The following NCBP1 variants were observed in gnomAD, a reference collection of about 807,000 sequenced individuals.
NCBP1 encodes nuclear cap-binding protein subunit 1.
NCBP1 carries 16 observed loss-of-function variants against 111.7 expected under a neutral mutation model. The observed-to-expected ratio is 0.14, with a 90% CI of 0.10 to 0.22. The LOEUF (loss-of-function observed/expected upper bound fraction) is 0.22, where lower values mean the gene tolerates loss of function less well. Among genes scored for constraint, NCBP1 ranks in the 10% least tolerant of loss-of-function variants. NCBP1 has a pLI of 1.00. For missense variants in NCBP1, 607 were observed against 957.5 expected (o/e 0.63, Z 4.83); for synonymous variants, 304 against 314.3 (o/e 0.97, Z 0.35).
At chr9:97,635,305 C>T (rs931634951) in intron 1 of NCBP1, among the ~76,000 whole-genome samples, 13 of 152,168 alleles carry the variant, frequency 8.5e-5, no homozygotes. Context: ...GTCCGGGGCT[C>T]TCTTCACTAC....
At chr9:97,641,760 T>C in intron 3 of NCBP1, 98 bp downstream of exon 3, 1 of 1,198,470 alleles carries the variant, frequency 8.3e-7, no homozygotes. Context: ...GTTCTATATG[T>C]CCTTGGCTTT....
chr9:97,671,607 A>T lies in NCBP1; in HGVS notation c.*408A>T, dbSNP rs1428334912. On this transcript the variant is annotated 3_prime_UTR_variant, in exon 23 of 23. Coordinates refer to ENST00000375147, the MANE Select transcript of NCBP1 (RefSeq NM_002486.5). ...TCGGGGATGAATTAACATGGCTGAA[A>T]TAAAACTAAAAGTATGGTTTTTAAA... The T allele has an allele frequency of 6.5e-6, 1 of 154,272 alleles. No homozygotes were observed. Among genetic ancestry groups the T allele is most frequent in the Non-Finnish European group, 1.4e-5 (1 of 69,520 alleles). The allele number at this position is 154,272 out of a possible 1,614,324, so 9.6% of individuals were successfully genotyped here.
In NCBP1 at chr9:97,671,825, A is replaced by G. The variant is rs998352057; in HGVS notation, c.*626A>G. ...TTTGTCTTAATGTAAATCACCTGGG[A>G]ATCTTTCAAGTTATTTTGAAATTTA... On this transcript the variant is annotated 3_prime_UTR_variant, in exon 23 of 23. Coordinates refer to ENST00000375147, the MANE Select transcript of NCBP1 (RefSeq NM_002486.5). 9.2e-5 allele frequency: 14 copies of G among 152,320 alleles called. No homozygotes were observed. Among genetic ancestry groups the G allele is most frequent in the African/African-American group, 3.4e-4 (14 of 41,580 alleles). The allele number at this position is 152,320 out of a possible 1,614,324, so 9.4% of individuals were successfully genotyped here.
chr9:97,649,945 G>T (rs1208337413), intron 8 of NCBP1, among the ~76,000 whole-genome samples: 1 of 151,768 alleles, frequency 6.6e-6, no homozygotes, highest in Non-Finnish European at 1.5e-5. Context: ...AAAAACATTA[G>T]AAATTGTAAA....
At position 97,662,141 on chromosome 9, in the gene NCBP1, C is replaced by T. The variant is rs1243990501; in HGVS notation, c.1700C>T (p.Ala567Val). 1.9e-6 allele frequency: 3 copies of T among 1,609,714 alleles called. No homozygotes were observed. Among genetic ancestry groups the T allele is most frequent in the Non-Finnish European group, 2.6e-6 (3 of 1,176,168 alleles). ...KSFSHSFSAL[A>V]KFHEVFKTLA... Reference sequence around the variant, plus strand: ...TTCAGCCACTCCTTCAGTGCTCTTGCAAAGTATGTATGAGTACAGAGCCTT... The same window carrying T: ...TTCAGCCACTCCTTCAGTGCTCTTGTAAAGTATGTATGAGTACAGAGCCTT... Residue 567 changes from alanine to valine, a missense_variant, in exon 17 of 23, where the codon GCA becomes GTA. This residue lies in a region of NCBP1 where 282 missense variants were observed against 376.5 expected (regional missense o/e 0.75). Coordinates refer to ENST00000375147, the MANE Select transcript of NCBP1 (RefSeq NM_002486.5).
intron 12 of NCBP1, among the ~76,000 whole-genome samples, chr9:97,655,303 T>C (rs142442944): frequency 5.3e-5 from 8 of 152,314 alleles, no homozygotes; most frequent in Middle Eastern, 3.4e-3. Context: ...CTTGAACTTA[T>C]GGGCTCAAGC....
intron 6 of NCBP1, among the ~76,000 whole-genome samples, chr9:97,646,608 G>A (rs1219336446): frequency 2.6e-5 from 4 of 152,100 alleles, no homozygotes. Context: ...GGCCAAGGCA[G>A]GTGGATCACC....
intron 21 of NCBP1, among the ~76,000 whole-genome samples, 155 bp from the exon 22 acceptor site, chr9:97,669,438 C>T (rs56052819): frequency 0.12 from 17,970 of 152,120 alleles, 3,012 homozygotes; most frequent in African/African-American, 0.37. Context: ...CCAGTCTGCC[C>T]TTCTAGGTTG....
chr9:97,639,908 C>G (rs2805772), intron 1 of NCBP1, among the ~76,000 whole-genome samples: 4,790 of 151,950 alleles, frequency 0.032, 121 homozygotes, highest in Non-Finnish European at 0.051. Context: ...AAGACAGATG[C>G]TTGGTAATGA....
intron 10 of NCBP1, among the ~76,000 whole-genome samples, chr9:97,651,673 G>T (rs1827501554): frequency 6.6e-6 from 1 of 152,110 alleles, no homozygotes; most frequent in Non-Finnish European, 1.5e-5. Context: ...CTCTAGCTCT[G>T]TCAATACATT....
At chr9:97,654,531 T>A (rs902964787) in intron 11 of NCBP1, among the ~76,000 whole-genome samples, 1 of 151,690 alleles carries the variant, frequency 6.6e-6, no homozygotes. Context: ...GCCAGTAGAC[T>A]TGCTTGTTGC....
At chr9:97,639,753 G>A (rs1827151521) in intron 1 of NCBP1, among the ~76,000 whole-genome samples, 1 of 152,108 alleles carries the variant, frequency 6.6e-6, no homozygotes, top group South Asian at 2.1e-4. Context: ...TAAGCTTTAT[G>A]TTATACCACA....
intron 16 of NCBP1, among the ~76,000 whole-genome samples, chr9:97,661,727 T>TA (rs1419152134): frequency 7.1e-6 from 1 of 140,188 alleles, no homozygotes; most frequent in Non-Finnish European, 1.5e-5. Context: ...GACATAAGCT[T>TA]AAGTGTTTTT....
chr9:97,633,987 A>G (rs1387780893), intron 1 of NCBP1, 72 bp downstream of exon 1: 2 of 1,459,332 alleles, frequency 1.4e-6, no homozygotes, highest in African/African-American at 1.4e-5. Flanking sequence ...TTGGGTGTCC[A>G]CGGAAGAGAC....
rs755834315 is a variant in NCBP1, at chr9:97,664,326, TTCTC to T, written c.1798-11_1798-8del. Reference sequence around the variant, plus strand: ...GTGTGTGTGTGATTTACTTGAATAATTCTCTCATTGTAGATGATTGCTGTACTAG... The same window carrying T: ...GTGTGTGTGTGATTTACTTGAATAATTCATTGTAGATGATTGCTGTACTAG... On this transcript the variant is annotated splice_polypyrimidine_tract_variant and intron_variant, in intron 18 of 22. Coordinates refer to ENST00000375147, the MANE Select transcript of NCBP1 (RefSeq NM_002486.5). 6.5e-6 allele frequency: 10 copies of T among 1,529,142 alleles called. No homozygotes were observed. Among genetic ancestry groups the T allele is most frequent in the South Asian group, 2.2e-5 (2 of 89,036 alleles). 94.7% of individuals were successfully genotyped at this position (1,529,142 alleles called of 1,614,324 possible).
Position 97,670,986 on chromosome 9 carries a change from T to A in NCBP1, c.2260-100T>A, listed in dbSNP as rs150946695. 1.6e-3 allele frequency: 1,069 copies of A among 672,298 alleles called. 7 individuals carry two copies. The African/African-American group carries it at 0.018, about 11-fold the overall frequency. 41.6% of individuals were successfully genotyped at this position (672,298 alleles called of 1,614,324 possible). A position where few individuals can be genotyped will look rare whatever the true frequency, so the allele number is the denominator to read the frequency against. On this transcript the variant is annotated intron_variant, in intron 22 of 22. Coordinates refer to ENST00000375147, the MANE Select transcript of NCBP1 (RefSeq NM_002486.5). Reference sequence around the variant, plus strand: ...GCACTTTTTTTTCCCCTTCCTCTTTTCATCATTCTGCAGCATGGGTGGGCT... The same window carrying A: ...GCACTTTTTTTTCCCCTTCCTCTTTACATCATTCTGCAGCATGGGTGGGCT...
chr9:97,669,646 C>CAGTG lies in NCBP1; in HGVS notation c.2200_2203dup (p.Val735GlufsTer8). 1 of 1,613,270 alleles carries CAGTG rather than the reference C, an allele frequency of 6.2e-7. No homozygotes were observed. On this transcript the variant is annotated frameshift_variant, in exon 22 of 23. Coordinates refer to ENST00000375147, the MANE Select transcript of NCBP1 (RefSeq NM_002486.5). LOFTEE classifies it high-confidence loss of function. ...TAGTACGATGCGAAACTGATGGGAC[C>CAGTG]AGTGTATTAACACCATGGTATAAGA...
Position 97,666,897 on chromosome 9 carries a change from G to C in NCBP1, c.2016+20G>C, listed in dbSNP as rs77424947. 6.7e-7 allele frequency: 1 copy of C among 1,486,274 alleles called. No homozygotes were observed. Among genetic ancestry groups the C allele is most frequent in the East Asian group, 2.3e-5 (1 of 42,858 alleles). The allele number at this position is 1,486,274 out of a possible 1,614,324, so 92.1% of individuals were successfully genotyped here. A position where few individuals can be genotyped will look rare whatever the true frequency, so the allele number is the denominator to read the frequency against. On this transcript the variant is annotated intron_variant, in intron 20 of 22. Transcript: ENST00000375147. ...AAACGGGTAAGTTTTGTGTAAACTTGTAAGTAGTTAAAGAAAATATACCAG... is the reference window on the plus strand; with the variant it reads ...AAACGGGTAAGTTTTGTGTAAACTTCTAAGTAGTTAAAGAAAATATACCAG...
intron 3 of NCBP1, among the ~76,000 whole-genome samples, chr9:97,642,117 T>G (rs1333451812): frequency 6.6e-6 from 1 of 152,180 alleles, no homozygotes; most frequent in African/African-American, 2.4e-5. Flanking sequence ...TTACATGAAA[T>G]TGTAATGTAT....
Sources: allele counts gnomAD v4.1 joint callset (sites outside exome capture counted in the v4.1 genomes callset), GRCh38; gene constraint gnomAD v4.1.1; regional missense constraint gnomAD v4.1.1; transcripts MANE v1.5; gene names NCBI Gene and HGNC (gene_info 2026-07-23, HGNC 2026-07-21).